The following CLEC2B variants were observed in gnomAD, a reference collection of about 807,000 sequenced individuals.
CLEC2B encodes C-type lectin domain family 2 member B.
Under a neutral mutation model 16.2 loss-of-function variants are expected in CLEC2B, and 14 were observed. The ratio of observed to expected loss-of-function variants is 0.86; its 90% CI spans 0.57 to 1.35. The LOEUF (loss-of-function observed/expected upper bound fraction) is 1.35, where lower values mean the gene tolerates loss of function less well. Ranked by LOEUF, CLEC2B falls within the 40% of genes most tolerant of loss-of-function variation. The pLI is 0.00. For missense variants in CLEC2B, 166 were observed against 182.3 expected (o/e 0.91, Z 0.52); for synonymous variants, 42 against 55.8 (o/e 0.75, Z 1.10).
At chr12:9,865,471 T>C (rs529354074) in intron 1 of CLEC2B, among the ~76,000 whole-genome samples, 1 of 152,276 alleles carries the variant, frequency 6.6e-6, no homozygotes, top group South Asian at 2.1e-4. Context: ...ATATGACAGT[T>C]CTAAAAATCT....
At position 9,862,623 on chromosome 12, in the gene CLEC2B, T is replaced by C. The variant is rs375903604; in HGVS notation, c.-2-50A>G. 1.3e-5 allele frequency: 18 copies of C among 1,348,048 alleles called. No homozygotes were observed. In the African/African-American group the frequency reaches 2.5e-4, roughly 19 times the overall value. The allele number at this position is 1,348,048 out of a possible 1,614,324, so 83.5% of individuals were successfully genotyped here. Reference sequence around the variant, plus strand: ...TAGGAGACTTCTGGCTCCAAAATGATGGCATAAAAGTAAGTTGGCTTTAAT... The same window carrying C: ...TAGGAGACTTCTGGCTCCAAAATGACGGCATAAAAGTAAGTTGGCTTTAAT... On this transcript the variant is annotated intron_variant, in intron 1 of 4. Coordinates refer to ENST00000228438, the MANE Select transcript of CLEC2B (RefSeq NM_005127.3).
At chr12:9,853,491 C>T in intron 4 of CLEC2B, 83 bp from the exon 5 acceptor site, 2 of 1,034,446 alleles carry the variant, frequency 1.9e-6, no homozygotes, top group East Asian at 4.8e-5. Context: ...TTCTACTTGT[C>T]TAAAGTGCTG....
chr12:9,857,261 G>T, intron 3 of CLEC2B: 1 of 519,242 alleles, frequency 1.9e-6, no homozygotes, highest in South Asian at 2.3e-5. Context: ...ATAAAGATAG[G>T]TATTAAGTCT....
intron 1 of CLEC2B, among the ~76,000 whole-genome samples, chr12:9,863,408 A>C (rs1867948027): frequency 6.6e-6 from 1 of 152,220 alleles, no homozygotes; most frequent in African/African-American, 2.4e-5. Flanking sequence ...TATCCATAAG[A>C]AACAACAGCA....
intron 3 of CLEC2B, 55 bp downstream of exon 3, chr12:9,857,419 T>C: frequency 3.0e-6 from 4 of 1,334,760 alleles, no homozygotes; most frequent in Non-Finnish European, 4.2e-6. Flanking sequence ...TGTTTGAATA[T>C]TTCTAATGCT....
chr12:9,864,819 A>C (rs1177339309), intron 1 of CLEC2B, among the ~76,000 whole-genome samples: 1 of 147,034 alleles, frequency 6.8e-6, no homozygotes, highest in Non-Finnish European at 1.5e-5. Context: ...ACAAGCAACA[A>C]AACAGCCCCA....
chr12:9,868,245 AGTGGCTGGAAG>A (rs1258306858), intron 1 of CLEC2B, among the ~76,000 whole-genome samples: 3 of 151,786 alleles, frequency 2.0e-5, no homozygotes, highest in African/African-American at 7.2e-5. Flanking sequence ...TGGTTTTACT[AGTGGCTGGAAG>A]GCCTTCTTAA....
intron 1 of CLEC2B, among the ~76,000 whole-genome samples, chr12:9,867,641 G>T (rs1219756431): frequency 6.6e-6 from 1 of 152,150 alleles, no homozygotes; most frequent in Non-Finnish European, 1.5e-5. Context: ...CGATGAAGCT[G>T]ATATCGAAAC....
At chr12:9,859,595 G>C (rs555216694) in intron 2 of CLEC2B, among the ~76,000 whole-genome samples, 30 of 151,662 alleles carry the variant, frequency 2.0e-4, no homozygotes, top group Non-Finnish European at 4.0e-4. Context: ...CTGTCCAGAT[G>C]GCTTCAATTA....
chr12:9,865,741 GACC>G (rs1867966042), intron 1 of CLEC2B, among the ~76,000 whole-genome samples: 1 of 152,122 alleles, frequency 6.6e-6, no homozygotes, highest in Non-Finnish European at 1.5e-5. Flanking sequence ...CTCCAGAACA[GACC>G]ACATTGTAGG....
In CLEC2B at chr12:9,857,493, A is replaced by G. The variant is rs533430642; in HGVS notation, c.218T>C (p.Ile73Thr). The G allele has an allele frequency of 4.4e-5, 71 of 1,609,430 alleles. No homozygotes were observed. The highest frequency in any genetic ancestry group is 3.9e-4 in the South Asian group (35 of 90,900). Reference protein sequence around the residue: ...CSTQHADLTIIDNIEEMNFLR... With the variant: ...CSTQHADLTITDNIEEMNFLR... ...ACTTACCATTTCTTCTATGTTGTCA[A>G]TTATAGTTAGGTCGGCATGTTGAGT... is the stretch of plus-strand genomic sequence containing the variant. Residue 73 changes from isoleucine to threonine, a missense_variant, in exon 3 of 5, where the codon ATT becomes ACT. Ile to Thr is a moderately conservative substitution (Grantham distance 89, BLOSUM62 -1). Transcript: ENST00000228438.
At chr12:9,857,360 A>C in intron 3 of CLEC2B, 114 bp downstream of exon 3, 1 of 760,466 alleles carries the variant, frequency 1.3e-6, no homozygotes, top group South Asian at 1.8e-5. Flanking sequence ...AACATCTTCA[A>C]TTTTCTGCAT....
intron 2 of CLEC2B, among the ~76,000 whole-genome samples, chr12:9,859,108 C>G (rs916358693): frequency 2.0e-5 from 3 of 151,802 alleles, no homozygotes; most frequent in Admixed American, 2.0e-4. Flanking sequence ...TTATGGGATT[C>G]AACTAAACTT....
chr12:9,862,952 C>T (rs1337978771), intron 1 of CLEC2B, among the ~76,000 whole-genome samples: 13 of 152,126 alleles, frequency 8.5e-5, no homozygotes, highest in African/African-American at 2.4e-4. Flanking sequence ...TGCCTTAACA[C>T]TTGGGAAGCA....
At chr12:9,854,784 T>C in intron 3 of CLEC2B, 1 of 438,068 alleles carries the variant, frequency 2.3e-6, no homozygotes, top group South Asian at 4.3e-5. Flanking sequence ...AAAGACAAGT[T>C]TGAAATTGAG....
intron 4 of CLEC2B, among the ~76,000 whole-genome samples, chr12:9,854,003 T>A (rs938475983): frequency 6.6e-6 from 1 of 151,888 alleles, no homozygotes; most frequent in Non-Finnish European, 1.5e-5. Context: ...TAAAATCAGA[T>A]GAAAATGAAC....
At chr12:9,868,155 A>T (rs1161699152) in intron 1 of CLEC2B, among the ~76,000 whole-genome samples, 2 of 149,898 alleles carry the variant, frequency 1.3e-5, no homozygotes, top group African/African-American at 4.9e-5. Context: ...ATGTAATATG[A>T]TATATAATAT....
At chr12:9,867,786 C>T (rs943149857) in intron 1 of CLEC2B, among the ~76,000 whole-genome samples, 1 of 152,074 alleles carries the variant, frequency 6.6e-6, no homozygotes, top group East Asian at 1.9e-4. Flanking sequence ...AATGTATAAT[C>T]TAAACAGTTA....
chr12:9,857,741 CT>C, intron 2 of CLEC2B, 104 bp from the exon 3 acceptor site: 7 of 898,066 alleles, frequency 7.8e-6, no homozygotes, highest in South Asian at 3.2e-5. Flanking sequence ...ATTATGGTCA[CT>C]ATGAAAGTTG....
Sources: allele counts gnomAD v4.1 joint callset (sites outside exome capture counted in the v4.1 genomes callset), GRCh38; gene constraint gnomAD v4.1.1; transcripts MANE v1.5; gene names NCBI Gene and HGNC (gene_info 2026-07-23, HGNC 2026-07-21).